EPHA6: variants seen among roughly 807,000 people sequenced by gnomAD.
The protein encoded by EPHA6 is ephrin type-A receptor 6.
Under a neutral mutation model 112.0 loss-of-function variants are expected in EPHA6, and 50 were observed. The observed-to-expected ratio is 0.45, with a 90% CI of 0.36 to 0.56. EPHA6 has a LOEUF of 0.56. EPHA6 is among the 20% of genes least tolerant of loss of function. EPHA6 has a pLI of 0.00. For synonymous variants in EPHA6, 529 were observed against 490.7 expected, an observed-to-expected ratio of 1.08 and a Z score of -1.03; for missense variants, 1,280 against 1,417.4, an observed-to-expected ratio of 0.90 and a Z score of 1.56.
chr3:97,176,844 T>C (rs533138968), intron 3 of EPHA6, among the ~76,000 whole-genome samples: 1 of 152,010 alleles, frequency 6.6e-6, no homozygotes, highest in Admixed American at 6.6e-5. Context: ...ATGAGCTTTC[T>C]GTTTCATTGA....
intron 2 of EPHA6, among the ~76,000 whole-genome samples, chr3:96,873,161 A>T (rs2036736069): frequency 6.6e-6 from 1 of 151,866 alleles, no homozygotes; most frequent in Non-Finnish European, 1.5e-5. Context: ...GCTACTCAGG[A>T]GGCTGAGGCT....
intron 3 of EPHA6, among the ~76,000 whole-genome samples, chr3:97,073,234 G>A (rs1198240126): frequency 6.6e-6 from 1 of 152,064 alleles, no homozygotes; most frequent in Non-Finnish European, 1.5e-5. Context: ...GAATCCATGG[G>A]ATCCAAATTG....
At chr3:97,344,941 G>T (rs758434410) in intron 5 of EPHA6, among the ~76,000 whole-genome samples, 1 of 152,048 alleles carries the variant, frequency 6.6e-6, no homozygotes, top group South Asian at 2.1e-4. Flanking sequence ...GAAAGAATAG[G>T]ATTGGATTTT....
intron 7 of EPHA6, among the ~76,000 whole-genome samples, chr3:97,468,637 C>A (rs1281291469): frequency 6.6e-6 from 1 of 151,442 alleles, no homozygotes; most frequent in Non-Finnish European, 1.5e-5. Flanking sequence ...ATTAATTTAC[C>A]TCTGTACATA....
At chr3:96,962,960 C>A (rs1388779845) in intron 2 of EPHA6, among the ~76,000 whole-genome samples, 1 of 151,970 alleles carries the variant, frequency 6.6e-6, no homozygotes, top group African/African-American at 2.4e-5. Context: ...TTGAGACCAG[C>A]ATGGGAAACA....
intron 5 of EPHA6, among the ~76,000 whole-genome samples, chr3:97,298,788 A>G (rs1333182891): frequency 6.6e-6 from 1 of 152,154 alleles, no homozygotes; most frequent in East Asian, 1.9e-4. Context: ...TCTTCTAAAA[A>G]AAATTCCAAT....
intron 2 of EPHA6, among the ~76,000 whole-genome samples, chr3:96,893,730 G>A (rs545137629): frequency 6.6e-6 from 1 of 152,318 alleles, no homozygotes; most frequent in East Asian, 1.9e-4. Context: ...AGACACAGAA[G>A]TCTAGCCTTC....
intron 14 of EPHA6, chr3:97,646,424 T>A (rs2094064129): frequency 2.6e-6 from 2 of 775,626 alleles, no homozygotes; most frequent in Middle Eastern, 3.0e-4. Flanking sequence ...CACCTAAATA[T>A]AAGTAGAAAT....
chr3:97,416,123 A>G (rs1342291447), intron 6 of EPHA6, among the ~76,000 whole-genome samples: 1 of 152,040 alleles, frequency 6.6e-6, no homozygotes, highest in Non-Finnish European at 1.5e-5. Flanking sequence ...TTGTACTAAT[A>G]TTTTGTTTTA....
intron 5 of EPHA6, among the ~76,000 whole-genome samples, chr3:97,307,696 T>C (rs1410092776): frequency 6.6e-6 from 1 of 151,476 alleles, no homozygotes; most frequent in African/African-American, 2.4e-5. Context: ...CTCCATATCT[T>C]CAATAATTTT....
At chr3:97,366,665 A>G (rs2084749786) in intron 5 of EPHA6, among the ~76,000 whole-genome samples, 1 of 152,110 alleles carries the variant, frequency 6.6e-6, no homozygotes, top group Non-Finnish European at 1.5e-5. Context: ...GATAAGCAAT[A>G]ATCAGACATG....
At chr3:96,845,488 C>A (rs536830779) in intron 1 of EPHA6, among the ~76,000 whole-genome samples, 1 of 151,912 alleles carries the variant, frequency 6.6e-6, no homozygotes, top group Non-Finnish European at 1.5e-5. Flanking sequence ...CTCCATGTTT[C>A]GGTAATTGCT....
intron 14 of EPHA6, among the ~76,000 whole-genome samples, chr3:97,715,096 T>C (rs1466375844): frequency 6.6e-6 from 1 of 152,340 alleles, no homozygotes; most frequent in East Asian, 1.9e-4. Context: ...CATGAATTAT[T>C]GGCCAGGGAT....
intron 3 of EPHA6, among the ~76,000 whole-genome samples, chr3:97,176,954 T>C (rs2076852969): frequency 6.6e-6 from 1 of 151,942 alleles, no homozygotes; most frequent in Admixed American, 6.6e-5. Context: ...GCTTTTCTAG[T>C]TCTTCAAGAT....
intron 14 of EPHA6, among the ~76,000 whole-genome samples, chr3:97,674,155 G>A (rs1054397464): frequency 6.6e-6 from 1 of 152,164 alleles, no homozygotes; most frequent in African/African-American, 2.4e-5. Flanking sequence ...TATGTGAATG[G>A]TTATGGAAAC....
At position 97,652,289 on chromosome 3, in the gene EPHA6, A is replaced by G. The variant is rs9862446; in HGVS notation, c.2784+14207A>G. Among the ~76,000 whole-genome samples, 442 of 152,166 alleles carry G rather than the reference A, an allele frequency of 2.9e-3. 2 individuals carry two copies. Among genetic ancestry groups the G allele is most frequent in the African/African-American group, 9.7e-3 (405 of 41,546 alleles). ...GGGAAAGCTTACTTATTCCCAGTGT[A>G]AAAAGCTTCACATCAATGGCAAATA... On this transcript the variant is annotated intron_variant, in intron 14 of 17. Coordinates refer to ENST00000389672, the MANE Select transcript of EPHA6 (RefSeq NM_001080448.3).
chr3:97,580,159 G>T (rs1178987113), intron 11 of EPHA6, among the ~76,000 whole-genome samples: 1 of 152,172 alleles, frequency 6.6e-6, no homozygotes, highest in Non-Finnish European at 1.5e-5. Flanking sequence ...GGTGCCCAAA[G>T]AGTTCATGCA....
At chr3:97,435,531 A>G (rs1395666192) in intron 6 of EPHA6, among the ~76,000 whole-genome samples, 1 of 152,194 alleles carries the variant, frequency 6.6e-6, no homozygotes, top group Non-Finnish European at 1.5e-5. Context: ...CAATGTATTT[A>G]CAACAATCAA....
intron 5 of EPHA6, among the ~76,000 whole-genome samples, chr3:97,293,473 T>TCATGGAGGG (rs1367727071): frequency 6.6e-6 from 1 of 152,152 alleles, no homozygotes; most frequent in Non-Finnish European, 1.5e-5. Context: ...GAGAGGAGAC[T>TCATGGAGGG]CATGGAGGGG....
Sources: allele counts gnomAD v4.1 joint callset (sites outside exome capture counted in the v4.1 genomes callset), GRCh38; gene constraint gnomAD v4.1.1; transcripts MANE v1.5; gene names NCBI Gene and HGNC (gene_info 2026-07-23, HGNC 2026-07-21).